The following PTPRD variants were observed in gnomAD, a reference collection of about 807,000 sequenced individuals.
The protein encoded by PTPRD is receptor-type tyrosine-protein phosphatase delta.
Under a neutral mutation model 214.5 loss-of-function variants are expected in PTPRD, and 34 were observed. The ratio of observed to expected loss-of-function variants is 0.16; its 90% CI spans 0.12 to 0.21. PTPRD has a LOEUF of 0.21. PTPRD is among the 10% of genes least tolerant of loss of function. PTPRD has a pLI of 1.00. For missense variants in PTPRD, 2,545 were observed against 2,398.7 expected (o/e 1.06, Z -1.27); for synonymous variants, 1,128 against 845.7 (o/e 1.33, Z -5.79).
At chr9:9,987,286 T>C (rs1279432617) in intron 4 of PTPRD, among the ~76,000 whole-genome samples, 1 of 152,210 alleles carries the variant, frequency 6.6e-6, no homozygotes, top group Non-Finnish European at 1.5e-5. Flanking sequence ...TAGATTAGAA[T>C]TTGTGATGCT....
chr9:8,807,241 G>A (rs527312666), intron 11 of PTPRD, among the ~76,000 whole-genome samples: 14 of 152,242 alleles, frequency 9.2e-5, no homozygotes, highest in African/African-American at 3.1e-4. Flanking sequence ...TGAGGCTGAG[G>A]CAGGAGAATC....
intron 4 of PTPRD, among the ~76,000 whole-genome samples, chr9:9,960,505 C>G (rs913851769): frequency 6.6e-6 from 1 of 152,110 alleles, no homozygotes; most frequent in African/African-American, 2.4e-5. Flanking sequence ...AGAAACCTGA[C>G]ATATACTACC....
At chr9:9,046,956 T>G (rs189380588) in intron 10 of PTPRD, among the ~76,000 whole-genome samples, 1 of 152,180 alleles carries the variant, frequency 6.6e-6, no homozygotes, top group African/African-American at 2.4e-5. Flanking sequence ...GGCATCCAAA[T>G]TGGAATGGAA....
intron 5 of PTPRD, among the ~76,000 whole-genome samples, chr9:9,785,649 G>A (rs149923941): frequency 2.0e-5 from 3 of 152,040 alleles, no homozygotes; most frequent in African/African-American, 4.8e-5. Context: ...GCATTTAAAT[G>A]CAATTCGACA....
intron 3 of PTPRD, among the ~76,000 whole-genome samples, chr9:10,041,568 T>A (rs886265720): frequency 1.1e-4 from 16 of 151,836 alleles, no homozygotes; most frequent in Middle Eastern, 3.2e-3. Flanking sequence ...TGCAAAATCC[T>A]TCAATTACCT....
chr9:8,990,125 T>G (rs2099360495), intron 11 of PTPRD, among the ~76,000 whole-genome samples: 1 of 152,096 alleles, frequency 6.6e-6, no homozygotes, highest in South Asian at 2.1e-4. Flanking sequence ...CCACAAAACT[T>G]TAATATCTCC....
At chr9:9,992,500 T>C (rs760253915) in intron 4 of PTPRD, among the ~76,000 whole-genome samples, 5 of 152,060 alleles carry the variant, frequency 3.3e-5, no homozygotes, top group African/African-American at 7.2e-5. Context: ...CACATGCACA[T>C]GTATGTTTAT....
At chr9:10,123,194 T>A (rs1430151955) in intron 3 of PTPRD, among the ~76,000 whole-genome samples, 5 of 152,202 alleles carry the variant, frequency 3.3e-5, no homozygotes, top group Admixed American at 1.3e-4. Flanking sequence ...GGGGACACAG[T>A]GAATTGAAGC....
At chr9:8,493,156 G>A (rs1169734034) in intron 26 of PTPRD, among the ~76,000 whole-genome samples, 177 bp from the exon 27 acceptor site, 1 of 152,174 alleles carries the variant, frequency 6.6e-6, no homozygotes, top group African/African-American at 2.4e-5. Context: ...TGCTGATATC[G>A]AAGGGGCATC....
intron 34 of PTPRD, among the ~76,000 whole-genome samples, chr9:8,442,718 A>C (rs1005086511): frequency 4.6e-5 from 7 of 152,192 alleles, no homozygotes; most frequent in African/African-American, 1.7e-4. Context: ...AATCAAATAC[A>C]AATACTCTGC....
intron 9 of PTPRD, among the ~76,000 whole-genome samples, chr9:9,373,866 A>G (rs929536319): frequency 6.6e-6 from 1 of 152,072 alleles, no homozygotes; most frequent in African/African-American, 2.4e-5. Context: ...ATATTGGAAT[A>G]CTTGCATTAT....
intron 4 of PTPRD, among the ~76,000 whole-genome samples, chr9:9,989,396 A>C (rs2095835744): frequency 6.6e-6 from 1 of 152,178 alleles, no homozygotes; most frequent in Admixed American, 6.5e-5. Context: ...GCAGAGCGGC[A>C]GAGAAGAAAA....
chr9:8,548,676 A>ATTTT (rs71317369), intron 14 of PTPRD, among the ~76,000 whole-genome samples: 19 of 41,112 alleles, frequency 4.6e-4, no homozygotes, highest in South Asian at 2.5e-3. Context: ...CTGGAGCTGG[A>ATTTT]TTTTTTTTTT....
intron 14 of PTPRD, among the ~76,000 whole-genome samples, chr9:8,614,993 G>C (rs1014951859): frequency 6.6e-6 from 1 of 152,038 alleles, no homozygotes; most frequent in Non-Finnish European, 1.5e-5. Context: ...TCTTTTGTTT[G>C]GCCTGCTAAT....
Position 9,577,848 on chromosome 9 carries a change from C to G in PTPRD, c.-286-3067G>C, listed in dbSNP as rs1377284084. ...ATCACCTGAGGTTGGGAGTTCAAGACCAGCCTGTCCAACATGGTGAAACCC... is the reference window on the plus strand; with the variant it reads ...ATCACCTGAGGTTGGGAGTTCAAGAGCAGCCTGTCCAACATGGTGAAACCC... On this transcript the variant is annotated intron_variant, in intron 7 of 45. Coordinates refer to ENST00000381196, the MANE Select transcript of PTPRD (RefSeq NM_002839.4). Among the ~76,000 whole-genome samples, 16 of 151,926 alleles carry G rather than the reference C, an allele frequency of 1.1e-4. 1 individual carries two copies. In the South Asian group the frequency reaches 1.9e-3, roughly 18 times the overall value.
intron 21 of PTPRD, among the ~76,000 whole-genome samples, chr9:8,515,186 T>TA (rs1421589796): frequency 6.6e-6 from 1 of 152,216 alleles, no homozygotes; most frequent in Non-Finnish European, 1.5e-5. Context: ...TTAGTAACCT[T>TA]ACGACCTACG....
chr9:9,923,250 T>TTC (rs1433486699), intron 5 of PTPRD, among the ~76,000 whole-genome samples: 1 of 41,720 alleles, frequency 2.4e-5, no homozygotes, highest in East Asian at 0.036. Context: ...TTTCTGTTAG[T>TTC]TTTTTTTTTC....
intron 8 of PTPRD, among the ~76,000 whole-genome samples, chr9:9,558,619 A>T (rs2082118046): frequency 6.6e-6 from 1 of 152,122 alleles, no homozygotes; most frequent in Non-Finnish European, 1.5e-5. Context: ...AGCGTTGATA[A>T]ACTGCCCATC....
chr9:9,550,925 T>C (rs2080061520), intron 8 of PTPRD, among the ~76,000 whole-genome samples: 1 of 151,882 alleles, frequency 6.6e-6, no homozygotes, highest in Admixed American at 6.6e-5. Context: ...ATGGCTAAAA[T>C]AAAAATTAAT....
Sources: gnomAD v4.1 joint callset for allele counts (sites outside exome capture counted in the v4.1 genomes callset) on GRCh38, gnomAD v4.1.1 for gene constraint, MANE v1.5 for transcripts, NCBI Gene and HGNC (gene_info 2026-07-23, HGNC 2026-07-21) for gene names.